SLC11A2: variants seen among roughly 807,000 people sequenced by gnomAD.
SLC11A2 encodes natural resistance-associated macrophage protein 2.
SLC11A2 carries 38 observed loss-of-function variants against 68.0 expected under a neutral mutation model. That is an observed-to-expected ratio of 0.56 (90% CI 0.43 to 0.73). SLC11A2 has a LOEUF of 0.73. Among genes scored for constraint, SLC11A2 ranks in the 30% least tolerant of loss-of-function variants. The pLI is 0.00. For synonymous variants in SLC11A2, 242 were observed against 250.6 expected, an observed-to-expected ratio of 0.97 and a Z score of 0.32; for missense variants, 517 against 690.5, an observed-to-expected ratio of 0.75 and a Z score of 2.82.
the SLC11A2 span, among the ~76,000 whole-genome samples, chr12:50,963,369 C>CAAAAAAA: frequency 9.7e-5 from 7 of 72,386 alleles, no homozygotes; most frequent in African/African-American, 1.5e-4. Flanking sequence ...GACTCCATCT[C>CAAAAAAA]AAAAAAAAAA....
chr12:51,013,289 CTTT>C (rs10588295), intron 1 of SLC11A2, among the ~76,000 whole-genome samples: 55,486 of 130,524 alleles, frequency 0.43, 11,037 homozygotes, highest in Non-Finnish European at 0.52. Flanking sequence ...AATTAAATTG[CTTT>C]TTTTTTTTTT....
intron 6 of SLC11A2, 71 bp downstream of exon 6, chr12:51,000,242 G>A (rs898870378): frequency 2.7e-6 from 3 of 1,097,230 alleles, no homozygotes; most frequent in Non-Finnish European, 4.2e-6. Flanking sequence ...AAAATGAATT[G>A]GGTTTTTGTT....
chr12:51,010,089 C>G (rs1269535863), intron 2 of SLC11A2, among the ~76,000 whole-genome samples: 3 of 151,876 alleles, frequency 2.0e-5, no homozygotes, highest in Non-Finnish European at 2.9e-5. Context: ...GATGCTGAGG[C>G]AGGAGAATCC....
intron 5 of SLC11A2, 110 bp from the exon 6 acceptor site, chr12:51,000,529 G>A: frequency 1.3e-6 from 1 of 787,474 alleles, no homozygotes; most frequent in South Asian, 1.4e-5. Flanking sequence ...TCCTTTATAA[G>A]CCTCCAGACT....
At chr12:51,021,900 G>A (rs1357981883) in intron 1 of SLC11A2, among the ~76,000 whole-genome samples, 1 of 152,140 alleles carries the variant, frequency 6.6e-6, no homozygotes, top group Non-Finnish European at 1.5e-5. Flanking sequence ...TGGCCAGGCT[G>A]TCAAGGAGTA....
At chr12:51,010,315 TGCGAACAGCCTG>T (rs1943106218) in intron 2 of SLC11A2, among the ~76,000 whole-genome samples, 1 of 152,040 alleles carries the variant, frequency 6.6e-6, no homozygotes, top group Admixed American at 6.6e-5. Context: ...GTCAGGCATT[TGCGAACAGCCTG>T]GCCAACATGG....
intron 1 of SLC11A2, among the ~76,000 whole-genome samples, chr12:51,022,738 G>A (rs1944132591): frequency 6.6e-6 from 1 of 152,056 alleles, no homozygotes; most frequent in African/African-American, 2.4e-5. Flanking sequence ...TCTGCTCTTT[G>A]AAACCTGGTA....
the SLC11A2 span, among the ~76,000 whole-genome samples, chr12:50,959,375 C>G: frequency 8.5e-5 from 13 of 152,246 alleles, no homozygotes; most frequent in Non-Finnish European, 1.5e-4. Flanking sequence ...CTGCATTGGC[C>G]TCCCAAAGTG....
chr12:50,966,802 AATGGTTTAAC>A, the SLC11A2 span, among the ~76,000 whole-genome samples: 1 of 134,772 alleles, frequency 7.4e-6, no homozygotes, highest in African/African-American at 2.9e-5. Flanking sequence ...CTTCTAAAGC[AATGGTTTAAC>A]ATAAGTGACT....
chr12:51,013,956 G>A (rs1002021385), intron 1 of SLC11A2, among the ~76,000 whole-genome samples: 1 of 151,904 alleles, frequency 6.6e-6, no homozygotes, highest in Non-Finnish European at 1.5e-5. Context: ...CGAGTAGCTG[G>A]GATTACAGGC....
At chr12:51,012,159 T>C (rs1258817618) in intron 1 of SLC11A2, among the ~76,000 whole-genome samples, 1 of 152,176 alleles carries the variant, frequency 6.6e-6, no homozygotes, top group African/African-American at 2.4e-5. Context: ...GCATAGCGTG[T>C]GGGATGCCAG....
chr12:50,969,671 C>T, the SLC11A2 span, among the ~76,000 whole-genome samples: 1 of 149,844 alleles, frequency 6.7e-6, no homozygotes, highest in Admixed American at 6.7e-5. Flanking sequence ...TGTACCACTC[C>T]AGCCTGGGTG....
At position 50,992,274 on chromosome 12, in the gene SLC11A2, G is replaced by T; in HGVS notation, c.1263C>A (p.Ile421=). ...GGAAGACAGCAACAAGCAGAGTGGG[G>T]ATGATGGCAATAGAGCGAGTCAGAA... ...RVVLTRSIAI[I]PTLLVAVFQD... is the part of the protein sequence containing the mutation. Residue 421 remains isoleucine (I), a synonymous_variant, in exon 13 of 16, where the codon ATC becomes ATA. Transcript: ENST00000262052. 6.8e-6 allele frequency: 11 copies of T among 1,613,898 alleles called. No homozygotes were observed. Among genetic ancestry groups the T allele is most frequent in the Non-Finnish European group, 8.5e-6 (10 of 1,179,796 alleles).
chr12:51,005,281 A>T, intron 4 of SLC11A2, 30 bp downstream of exon 4: 1 of 1,612,276 alleles, frequency 6.2e-7, no homozygotes, highest in Non-Finnish European at 8.5e-7. Context: ...TTATGTGCTT[A>T]AAAGGACAGG....
downstream of SLC11A2, chr12:50,980,475 G>A (rs961277684): frequency 2.6e-5 from 4 of 152,084 alleles, no homozygotes; most frequent in South Asian, 2.1e-4. Context: ...CCACCTTGGC[G>A]ACAGGGCAAG....
At chr12:51,010,820 C>T in intron 1 of SLC11A2, 54 bp from the exon 2 acceptor site, 2 of 950,294 alleles carry the variant, frequency 2.1e-6, no homozygotes, top group Non-Finnish European at 3.3e-6. Flanking sequence ...CTAACAAGTT[C>T]AGAACCAGCA....
downstream of SLC11A2, among the ~76,000 whole-genome samples, chr12:50,975,731 T>C (rs1163497130): frequency 6.6e-6 from 1 of 151,672 alleles, no homozygotes; most frequent in Non-Finnish European, 1.5e-5. Flanking sequence ...TCAACAAAAT[T>C]GATAGACCGC....
intron 1 of SLC11A2, chr12:51,026,058 A>T: frequency 9.2e-7 from 1 of 1,091,738 alleles, no homozygotes; most frequent in Non-Finnish European, 1.1e-6. Context: ...AAGGGGCGAG[A>T]CCCCCGCGAC....
In SLC11A2 at chr12:50,986,763, G is replaced by A. The variant is rs1178309174; in HGVS notation, c.*1562C>T. ...ATAACTCTGTGCTATATTACTTGAG[G>A]GGCTAAGAAAAATGTATGGTCAGTG... On this transcript the variant is annotated 3_prime_UTR_variant, in exon 16 of 16. Transcript: ENST00000262052. The A allele has an allele frequency of 7.8e-7, 1 of 1,286,956 alleles. No individual in the cohort carries two copies. Among genetic ancestry groups the A allele is most frequent in the African/African-American group, 1.5e-5 (1 of 65,750 alleles). The allele number at this position is 1,286,956 out of a possible 1,614,324, so 79.7% of individuals were successfully genotyped here. A position where few individuals can be genotyped will look rare whatever the true frequency, so the allele number is the denominator to read the frequency against.
Sources: allele counts gnomAD v4.1 joint callset (sites outside exome capture counted in the v4.1 genomes callset), GRCh38; gene constraint gnomAD v4.1.1; transcripts MANE v1.5; gene names NCBI Gene and HGNC (gene_info 2026-07-23, HGNC 2026-07-21).